The following NXPH1 variants were observed in gnomAD, a reference collection of about 807,000 sequenced individuals.
NXPH1 encodes the protein neurexophilin-1.
In NXPH1, 5 loss-of-function variants were observed where a neutral mutation model predicts 23.7. That is an observed-to-expected ratio of 0.21 (90% CI 0.11 to 0.44). The LOEUF is 0.44. Among genes scored for constraint, NXPH1 ranks in the 20% least tolerant of loss-of-function variants. The pLI is 0.99. For missense variants in NXPH1, 324 were observed against 321.6 expected, an observed-to-expected ratio of 1.01 and a Z score of -0.06; for synonymous variants, 144 against 122.2, an observed-to-expected ratio of 1.18 and a Z score of -1.18.
intron 2 of NXPH1, among the ~76,000 whole-genome samples, chr7:8,652,347 T>C (rs966705939): frequency 6.6e-6 from 1 of 152,206 alleles, no homozygotes; most frequent in African/African-American, 2.4e-5. Flanking sequence ...ATCTATTTTA[T>C]GTAGAGAAAT....
At chr7:8,516,311 A>C (rs765442532) in intron 2 of NXPH1, among the ~76,000 whole-genome samples, 1 of 152,048 alleles carries the variant, frequency 6.6e-6, no homozygotes, top group East Asian at 1.9e-4. Flanking sequence ...TGAATATTTC[A>C]TGTTACTGGC....
At position 8,736,091 on chromosome 7, in the gene NXPH1, A is replaced by G. The variant is rs545803166; in HGVS notation, c.55-14917A>G. ...TTTCAAAAAACCAACTCCTGGATTC[A>G]TTGATTTTTTGAAGGATTTTTTGTG... On this transcript the variant is annotated intron_variant, in intron 2 of 2. Transcript: ENST00000405863. Among the ~76,000 whole-genome samples the G allele has an allele frequency of 7.2e-5, 11 of 152,178 alleles. No homozygotes were observed. The East Asian group carries it at 2.1e-3, about 29-fold the overall frequency.
rs571196250 is a variant in NXPH1 at position 8,584,351 on chromosome 7, G to A, written c.54+148584G>A. ...GTTCCCCAATCCCTGTAGGAGCACA[G>A]AATAGCTTAGTTTGCCTTCTTCCCC... On this transcript the variant is annotated intron_variant, in intron 2 of 2. Coordinates refer to ENST00000405863, the MANE Select transcript of NXPH1 (RefSeq NM_152745.3). 3.9e-5 allele frequency among the ~76,000 whole-genome samples: 6 copies of A among 152,276 alleles called. No individual in the cohort carries two copies. In the East Asian group the frequency reaches 1.2e-3, roughly 29 times the overall value.
intron 2 of NXPH1, among the ~76,000 whole-genome samples, chr7:8,490,488 C>A (rs1423101936): frequency 1.3e-5 from 2 of 151,264 alleles, no homozygotes; most frequent in Non-Finnish European, 1.5e-5. Flanking sequence ...CTTGGTACTT[C>A]ATAGAAAGGA....
intron 2 of NXPH1, among the ~76,000 whole-genome samples, chr7:8,502,438 AG>A (rs1817452220): frequency 3.3e-5 from 5 of 151,972 alleles, no homozygotes; most frequent in Admixed American, 3.3e-4. Flanking sequence ...ATTATGTACA[AG>A]GTGCTGTCTT....
chr7:8,616,409 C>T (rs1223256671), intron 2 of NXPH1, among the ~76,000 whole-genome samples: 1 of 152,070 alleles, frequency 6.6e-6, no homozygotes, highest in African/African-American at 2.4e-5. Context: ...CACCATCCCA[C>T]ATTTTATAAA....
At chr7:8,726,969 C>T (rs1168947885) in intron 2 of NXPH1, among the ~76,000 whole-genome samples, 1 of 148,336 alleles carries the variant, frequency 6.7e-6, no homozygotes, top group African/African-American at 2.5e-5. Flanking sequence ...AAAAGTGTTC[C>T]TATTTCTCCA....
chr7:8,664,840 G>A (rs1279004444), intron 2 of NXPH1, among the ~76,000 whole-genome samples: 3 of 151,888 alleles, frequency 2.0e-5, no homozygotes, highest in African/African-American at 4.8e-5. Flanking sequence ...TTTAAGAAAT[G>A]TCTATTCAGT....
At chr7:8,509,074 T>A (rs1413025016) in intron 2 of NXPH1, among the ~76,000 whole-genome samples, 1 of 152,104 alleles carries the variant, frequency 6.6e-6, no homozygotes, top group East Asian at 1.9e-4. Context: ...CACCATGAAG[T>A]AAAAATTCTA....
chr7:8,662,582 G>A (rs974813863), intron 2 of NXPH1, among the ~76,000 whole-genome samples: 3 of 151,856 alleles, frequency 2.0e-5, no homozygotes, highest in African/African-American at 4.8e-5. Flanking sequence ...TGTGAATGAA[G>A]GACTTTCAAT....
rs115480848 is a variant in NXPH1 at position 8,499,728 on chromosome 7, T to G, written c.54+63961T>G. The stretch of plus-strand genomic sequence containing the variant: ...CCCAGTGGTGAGGCCTAAGGAGCTC[T>G]CAAATGTCTATTCCCCGCTATTTTT... On this transcript the variant is annotated intron_variant, in intron 2 of 2. Transcript: ENST00000405863. Among the ~76,000 whole-genome samples, 53 of 152,154 alleles carry G rather than the reference T, an allele frequency of 3.5e-4. No homozygotes were observed. In the South Asian group the frequency reaches 0.011, roughly 30 times the overall value.
At position 8,450,779 on chromosome 7, in the gene NXPH1, T is replaced by C. The variant is rs536063529; in HGVS notation, c.54+15012T>C. On this transcript the variant is annotated intron_variant, in intron 2 of 2. Transcript: ENST00000405863. ...TTTCTGTAAATGGTATACATGAAGG[T>C]CATATTCATATTCTCCGCAAGAATT... Among the ~76,000 whole-genome samples the C allele has an allele frequency of 5.9e-5, 9 of 152,344 alleles. No homozygotes were observed. In the South Asian group the frequency reaches 1.9e-3, roughly 32 times the overall value.
At chr7:8,541,872 G>A (rs1325919744) in intron 2 of NXPH1, among the ~76,000 whole-genome samples, 1 of 150,956 alleles carries the variant, frequency 6.6e-6, no homozygotes, top group Non-Finnish European at 1.5e-5. Flanking sequence ...ACTAACAACA[G>A]AGAGGATAAA....
At position 8,517,165 on chromosome 7, in the gene NXPH1, T is replaced by A. The variant is rs188048485; in HGVS notation, c.54+81398T>A. Among the ~76,000 whole-genome samples, 89 of 152,196 alleles carry A rather than the reference T, an allele frequency of 5.8e-4. 1 individual carries two copies. Among genetic ancestry groups the A allele is most frequent in the Middle Eastern group, 3.4e-3 (1 of 294 alleles). ...TGAGCTAGCAAACTAGTGTGCATAGTAGTGACTCAGCAGTGAGCAACAGTG... is the reference window on the plus strand; with the variant it reads ...TGAGCTAGCAAACTAGTGTGCATAGAAGTGACTCAGCAGTGAGCAACAGTG... On this transcript the variant is annotated intron_variant, in intron 2 of 2. Coordinates refer to ENST00000405863, the MANE Select transcript of NXPH1 (RefSeq NM_152745.3).
chr7:8,618,621 T>G (rs1266132111), intron 2 of NXPH1, among the ~76,000 whole-genome samples: 5 of 152,158 alleles, frequency 3.3e-5, no homozygotes, highest in Non-Finnish European at 1.5e-5. Context: ...TAAATTTCAC[T>G]TGCAAACTAG....
rs71017614 is a variant in NXPH1 at position 8,667,461 on chromosome 7, GTT to G, written c.55-83535_55-83534del. On this transcript the variant is annotated intron_variant, in intron 2 of 2. Transcript: ENST00000405863. ...TCAGGTGCAGTATTCTTGGTTGACA[GTT>G]TTTTTTTTTTTCTCCGCAGCATTTT... 5.4e-3 allele frequency among the ~76,000 whole-genome samples: 780 copies of G among 145,590 alleles called. 6 individuals carry two copies. The highest frequency in any genetic ancestry group is 0.017 in the African/African-American group (674 of 39,952).
At chr7:8,574,085 G>C (rs1818704688) in intron 2 of NXPH1, among the ~76,000 whole-genome samples, 1 of 152,070 alleles carries the variant, frequency 6.6e-6, no homozygotes, top group African/African-American at 2.4e-5. Flanking sequence ...GCTCTGAGCA[G>C]GACCAGAAGA....
intron 2 of NXPH1, among the ~76,000 whole-genome samples, chr7:8,661,513 C>G (rs371138609): frequency 4.3e-4 from 66 of 152,034 alleles, no homozygotes; most frequent in African/African-American, 1.6e-3. Flanking sequence ...TGTTTTCTGT[C>G]TGAAGTGGTA....
At chr7:8,698,379 A>G (rs1266289929) in intron 2 of NXPH1, among the ~76,000 whole-genome samples, 1 of 152,228 alleles carries the variant, frequency 6.6e-6, no homozygotes, top group Non-Finnish European at 1.5e-5. Context: ...GTTCAGAACT[A>G]TAACAATAAC....
Sources: gnomAD v4.1 joint callset for allele counts (sites outside exome capture counted in the v4.1 genomes callset) on GRCh38, gnomAD v4.1.1 for gene constraint, MANE v1.5 for transcripts, NCBI Gene and HGNC (gene_info 2026-07-23, HGNC 2026-07-21) for gene names.